Variants in PEX5L observed in about 807,000 individuals in gnomAD.
The protein encoded by PEX5L is peroxisomal biogenesis factor 5 like.
PEX5L carries 30 observed loss-of-function variants against 84.0 expected under a neutral mutation model. The observed-to-expected ratio is 0.36, with a 90% CI of 0.27 to 0.48. PEX5L has a LOEUF of 0.48. PEX5L is among the 20% of genes least tolerant of loss of function. The pLI, the probability that PEX5L is intolerant of heterozygous loss-of-function variation, is 0.99. For synonymous variants in PEX5L, 270 were observed against 283.1 expected (o/e 0.95, Z 0.46); for missense variants, 533 against 754.6 (o/e 0.71, Z 3.44).
At chr3:179,902,577 G>T in intron 2 of PEX5L, 2 of 394,164 alleles carry the variant, frequency 5.1e-6, no homozygotes, top group Non-Finnish European at 1.0e-5. Context: ...TTATTCTGTA[G>T]ATCTTAGTAG....
intron 1 of PEX5L, among the ~76,000 whole-genome samples, chr3:180,013,176 A>T (rs68011865): frequency 0.13 from 19,373 of 152,192 alleles, 1,366 homozygotes; most frequent in African/African-American, 0.19. Flanking sequence ...ACAAAACTAT[A>T]AACAATTGGT....
At chr3:179,884,812 G>A (rs1755243799) in intron 4 of PEX5L, among the ~76,000 whole-genome samples, 1 of 152,010 alleles carries the variant, frequency 6.6e-6, no homozygotes, top group South Asian at 2.1e-4. Context: ...TAAATAGTTG[G>A]CAGTCTCAAA....
chr3:179,858,630 T>G (rs542595827), intron 8 of PEX5L, among the ~76,000 whole-genome samples: 2 of 152,182 alleles, frequency 1.3e-5, no homozygotes, highest in Non-Finnish European at 2.9e-5. Flanking sequence ...CTTAGGAACA[T>G]ATATATCACA....
chr3:179,816,600 T>A (rs911611937), intron 9 of PEX5L, among the ~76,000 whole-genome samples: 2 of 151,858 alleles, frequency 1.3e-5, no homozygotes, highest in African/African-American at 4.8e-5. Flanking sequence ...GGTCGGGGGC[T>A]AGGGGAGGGA....
intron 2 of PEX5L, among the ~76,000 whole-genome samples, chr3:179,947,745 C>A (rs373826051): frequency 1.5e-5 from 2 of 135,960 alleles, no homozygotes; most frequent in Non-Finnish European, 3.0e-5. Flanking sequence ...CTCACTCTGT[C>A]GCCTAGGCTG....
chr3:179,897,809 C>A (rs912748647), intron 3 of PEX5L, among the ~76,000 whole-genome samples: 1 of 151,724 alleles, frequency 6.6e-6, no homozygotes, highest in African/African-American at 2.4e-5. Flanking sequence ...TTCAAATGTA[C>A]TGTTAGCTTA....
chr3:180,020,396 T>C (rs1161965354), intron 1 of PEX5L, among the ~76,000 whole-genome samples: 3 of 152,058 alleles, frequency 2.0e-5, no homozygotes, highest in African/African-American at 7.2e-5. Context: ...ATATATCTTA[T>C]ATATAAGATT....
At chr3:179,888,543 T>A (rs1280064800) in intron 3 of PEX5L, among the ~76,000 whole-genome samples, 1 of 152,148 alleles carries the variant, frequency 6.6e-6, no homozygotes, top group Non-Finnish European at 1.5e-5. Flanking sequence ...TTACTTTCAA[T>A]CATTCTGCAC....
intron 1 of PEX5L, among the ~76,000 whole-genome samples, chr3:179,974,474 A>T (rs1374746778): frequency 6.6e-6 from 1 of 152,120 alleles, no homozygotes; most frequent in African/African-American, 2.4e-5. Flanking sequence ...AGTGCAGTGG[A>T]GCTAAAATGG....
intron 2 of PEX5L, among the ~76,000 whole-genome samples, chr3:179,903,209 C>G (rs1323853429): frequency 6.6e-6 from 1 of 151,910 alleles, no homozygotes; most frequent in Non-Finnish European, 1.5e-5. Flanking sequence ...CTCCTGCCAT[C>G]TATATATTTT....
chr3:180,010,840 T>C (rs930523278), intron 1 of PEX5L, among the ~76,000 whole-genome samples: 6 of 152,072 alleles, frequency 3.9e-5, no homozygotes, highest in Admixed American at 1.3e-4. Flanking sequence ...GTTAATAATT[T>C]TGTGTAATTT....
chr3:179,895,999 C>T (rs992954448), intron 3 of PEX5L: 4 of 152,064 alleles, frequency 2.6e-5, no homozygotes, highest in African/African-American at 9.7e-5. Flanking sequence ...CTGGGACAAA[C>T]GTGTCAAGAC....
At chr3:179,892,804 A>C (rs1428846875) in intron 3 of PEX5L, among the ~76,000 whole-genome samples, 1 of 152,118 alleles carries the variant, frequency 6.6e-6, no homozygotes, top group Non-Finnish European at 1.5e-5. Flanking sequence ...GCCAAGAGAG[A>C]ATGCCTAATG....
At chr3:179,817,391 T>C (rs2108897231) in intron 9 of PEX5L, among the ~76,000 whole-genome samples, 1 of 152,334 alleles carries the variant, frequency 6.6e-6, no homozygotes, top group East Asian at 1.9e-4. Flanking sequence ...GCTATATTTA[T>C]TTACTCAATC....
chr3:179,931,267 C>G (rs1044044644), intron 2 of PEX5L, among the ~76,000 whole-genome samples: 1 of 152,176 alleles, frequency 6.6e-6, no homozygotes, highest in African/African-American at 2.4e-5. Context: ...AAGCTACTGT[C>G]CTAAGAATGC....
intron 1 of PEX5L, among the ~76,000 whole-genome samples, chr3:179,994,189 C>T (rs1406806245): frequency 2.0e-5 from 3 of 152,102 alleles, no homozygotes; most frequent in Non-Finnish European, 2.9e-5. Flanking sequence ...TATCACAAGC[C>T]GAGCCATTCC....
intron 3 of PEX5L, 49 bp downstream of exon 3, chr3:179,898,093 T>C: frequency 9.1e-7 from 1 of 1,102,186 alleles, no homozygotes; most frequent in Non-Finnish European, 1.3e-6. Flanking sequence ...CAATGTCTGA[T>C]ATATTAACAT....
intron 7 of PEX5L, among the ~76,000 whole-genome samples, chr3:179,872,037 A>C (rs569415866): frequency 6.6e-6 from 1 of 152,168 alleles, no homozygotes; most frequent in African/African-American, 2.4e-5. Context: ...GGCTTGTGCT[A>C]TCATGCCTGG....
At chr3:180,009,601 G>A (rs1402760226) in intron 1 of PEX5L, among the ~76,000 whole-genome samples, 2 of 151,422 alleles carry the variant, frequency 1.3e-5, no homozygotes, top group Non-Finnish European at 2.9e-5. Flanking sequence ...TTAGAAACAA[G>A]GTGACAGGGT....
Sources: gnomAD v4.1 joint callset for allele counts (sites outside exome capture counted in the v4.1 genomes callset) on GRCh38, gnomAD v4.1.1 for gene constraint, MANE v1.5 for transcripts, NCBI Gene and HGNC (gene_info 2026-07-23, HGNC 2026-07-21) for gene names.